Variants in ARHGAP42 observed in about 807,000 individuals in gnomAD.
ARHGAP42 encodes the protein Rho GTPase activating protein 42.
A neutral mutation model predicts 125.0 loss-of-function variants in ARHGAP42; 63 were observed. That is an observed-to-expected ratio of 0.50 (90% confidence interval 0.41 to 0.62). The LOEUF (loss-of-function observed/expected upper bound fraction) is 0.62. ARHGAP42 is among the 20% of genes least tolerant of loss of function. The pLI is 0.00. For missense variants in ARHGAP42, 766 were observed against 1,024.2 expected, an observed-to-expected ratio of 0.75 and a Z score of 3.44; for synonymous variants, 339 against 351.0, an observed-to-expected ratio of 0.97 and a Z score of 0.38.
At chr11:100,962,863 C>T (rs922433412) in intron 16 of ARHGAP42, among the ~76,000 whole-genome samples, 8 of 151,704 alleles carry the variant, frequency 5.3e-5, no homozygotes, top group Non-Finnish European at 7.4e-5. Context: ...GCAACAAGAG[C>T]GAAACTCCAT....
chr11:100,837,666 C>CTTCTTTTTT (rs1565235465), intron 3 of ARHGAP42, among the ~76,000 whole-genome samples: 1 of 61,042 alleles, frequency 1.6e-5, no homozygotes, highest in African/African-American at 7.1e-5. Context: ...AGGTGTCATC[C>CTTCTTTTTT]TTTTTTTTTT....
intron 3 of ARHGAP42, among the ~76,000 whole-genome samples, chr11:100,847,351 C>A (rs933788109): frequency 6.6e-6 from 1 of 152,140 alleles, no homozygotes; most frequent in Non-Finnish European, 1.5e-5. Flanking sequence ...TAAGTTAGGA[C>A]TGTCAAATGC....
intron 14 of ARHGAP42, 45 bp from the exon 15 acceptor site, chr11:100,961,639 T>C: frequency 6.7e-7 from 1 of 1,502,856 alleles, no homozygotes; most frequent in Non-Finnish European, 9.0e-7. Flanking sequence ...GCATAAGAAA[T>C]ATTTTGAACT....
intron 1 of ARHGAP42, among the ~76,000 whole-genome samples, chr11:100,699,801 G>T (rs962878867): frequency 1.6e-4 from 24 of 152,070 alleles, no homozygotes; most frequent in African/African-American, 5.8e-4. Context: ...GGGATTACAG[G>T]CATGAGCCAC....
intron 17 of ARHGAP42, among the ~76,000 whole-genome samples, chr11:100,966,980 C>A (rs900269214): frequency 2.6e-5 from 4 of 152,142 alleles, no homozygotes; most frequent in African/African-American, 9.7e-5. Context: ...CTTATTTGAG[C>A]CATATACATT....
chr11:100,797,601 A>G (rs1366439912), intron 3 of ARHGAP42, among the ~76,000 whole-genome samples: 3 of 151,848 alleles, frequency 2.0e-5, no homozygotes, highest in Non-Finnish European at 4.4e-5. Context: ...CCTAATGTTC[A>G]GGAAAAAAAA....
intron 4 of ARHGAP42, among the ~76,000 whole-genome samples, chr11:100,899,238 T>C (rs1357494553): frequency 6.6e-6 from 1 of 152,232 alleles, no homozygotes; most frequent in East Asian, 1.9e-4. Flanking sequence ...CTTTTACATT[T>C]GCTGAGGAGT....
intron 4 of ARHGAP42, among the ~76,000 whole-genome samples, chr11:100,886,206 A>G (rs1257555018): frequency 6.6e-6 from 1 of 152,224 alleles, no homozygotes; most frequent in Non-Finnish European, 1.5e-5. Context: ...TGTTTTGTGA[A>G]ATCTGAAGTA....
At chr11:100,801,592 G>A (rs891526000) in intron 3 of ARHGAP42, among the ~76,000 whole-genome samples, 1 of 152,036 alleles carries the variant, frequency 6.6e-6, no homozygotes, top group African/African-American at 2.4e-5. Flanking sequence ...AAATATTGAG[G>A]ATTTTTTTTG....
intron 4 of ARHGAP42, among the ~76,000 whole-genome samples, chr11:100,870,741 A>C (rs1470547847): frequency 1.3e-5 from 2 of 152,234 alleles, no homozygotes; most frequent in Non-Finnish European, 2.9e-5. Flanking sequence ...AAAGTTACAG[A>C]TACAAACAGG....
chr11:100,836,708 G>GT lies in ARHGAP42; in HGVS notation c.313-22836dup, dbSNP rs369289648. Among the ~76,000 whole-genome samples the GT allele has an allele frequency of 9.2e-3, 1,051 of 114,046 alleles. 17 individuals carry two copies. The highest frequency in any genetic ancestry group is 0.026 in the African/African-American group (838 of 31,764). 74.8% of individuals were successfully genotyped at this position (114,046 alleles called of 152,430 possible). ...TAATTTGAGATGTGTAAGGTTTTTTGTTTTTTTTTTGTTGTTGTTTTCTTT... is the reference window on the plus strand; with the variant it reads ...TAATTTGAGATGTGTAAGGTTTTTTGTTTTTTTTTTTGTTGTTGTTTTCTTT... On this transcript the variant is annotated intron_variant, in intron 3 of 23. Transcript: ENST00000298815.
intron 1 of ARHGAP42, among the ~76,000 whole-genome samples, chr11:100,707,283 G>C (rs996307453): frequency 1.3e-5 from 2 of 151,906 alleles, no homozygotes; most frequent in African/African-American, 4.8e-5. Context: ...GGAATTGCTG[G>C]GTCATATAGT....
At chr11:100,777,399 A>G (rs1365860190) in intron 2 of ARHGAP42, among the ~76,000 whole-genome samples, 2 of 152,208 alleles carry the variant, frequency 1.3e-5, no homozygotes, top group Admixed American at 6.5e-5. Flanking sequence ...GAGGGTGTCA[A>G]GAAGAATTTT....
At chr11:100,701,109 A>G (rs1396378490) in intron 1 of ARHGAP42, among the ~76,000 whole-genome samples, 1 of 152,056 alleles carries the variant, frequency 6.6e-6, no homozygotes, top group East Asian at 1.9e-4. Context: ...GTAACCAGGT[A>G]CATTGTCAAT....
intron 1 of ARHGAP42, among the ~76,000 whole-genome samples, chr11:100,690,665 C>T (rs1272857900): frequency 3.9e-5 from 6 of 152,082 alleles, no homozygotes; most frequent in Non-Finnish European, 7.4e-5. Flanking sequence ...GGTGCGATCT[C>T]GGCTCACTGC....
rs1053753643 is a variant in ARHGAP42 at position 100,694,950 on chromosome 11, G to A, written c.154+7118G>A. 5.9e-5 allele frequency among the ~76,000 whole-genome samples: 9 copies of A among 152,270 alleles called. No individual in the cohort carries two copies. In the South Asian group the frequency reaches 1.9e-3, roughly 31 times the overall value. On this transcript the variant is annotated intron_variant, in intron 1 of 23. Coordinates refer to ENST00000298815, the MANE Select transcript of ARHGAP42 (RefSeq NM_152432.4). ...GGAGGCTGAGGCAGGAGAATAGCTT[G>A]AACCCAGGAGGCAGAGGTTGCAGTG...
chr11:100,864,275 C>A (rs1281515743), intron 4 of ARHGAP42, among the ~76,000 whole-genome samples: 2 of 151,834 alleles, frequency 1.3e-5, no homozygotes, highest in African/African-American at 2.4e-5. Flanking sequence ...ACCTCCACCT[C>A]CCGGCTTCAT....
At chr11:100,783,501 G>T (rs1009272257) in intron 2 of ARHGAP42, among the ~76,000 whole-genome samples, 1 of 152,174 alleles carries the variant, frequency 6.6e-6, no homozygotes, top group Non-Finnish European at 1.5e-5. Context: ...CACAGTGGGA[G>T]GGTGGTACTG....
In ARHGAP42 at chr11:100,992,934, C is replaced by G. The variant is rs1035335516; in HGVS notation, c.*4133C>G. On this transcript the variant is annotated 3_prime_UTR_variant, in exon 24 of 24. Transcript: ENST00000298815. ...GCACTCATGAGAGAGATGCCAAGTT[C>G]AGTGTGGATTTTTCTTGGTGCTCTA... is the stretch of plus-strand genomic sequence containing the variant. The G allele has an allele frequency of 4.2e-6, 2 of 473,562 alleles. No individual in the cohort carries two copies. Among genetic ancestry groups the G allele is most frequent in the African/African-American group, 2.0e-5 (1 of 50,196 alleles). 29.3% of individuals were successfully genotyped at this position (473,562 alleles called of 1,614,324 possible). A position where few individuals can be genotyped will look rare whatever the true frequency, so the allele number is the denominator to read the frequency against.
Sources: allele counts gnomAD v4.1 joint callset (sites outside exome capture counted in the v4.1 genomes callset), GRCh38; gene constraint gnomAD v4.1.1; transcripts MANE v1.5; gene names NCBI Gene and HGNC (gene_info 2026-07-23, HGNC 2026-07-21).